The following STK32A variants were observed in gnomAD, a reference collection of about 807,000 sequenced individuals.
STK32A encodes the protein serine/threonine kinase 32A.
Under a neutral mutation model 53.2 loss-of-function variants are expected in STK32A, and 41 were observed. The observed-to-expected ratio is 0.77, with a 90% confidence interval of 0.60 to 1.00. STK32A has a LOEUF of 1.00. Among genes scored for constraint, STK32A ranks in the 50% least tolerant of loss-of-function variants. The probability of loss-of-function intolerance (pLI) is 0.00; values close to 1 mark genes in which losing one functional copy is unlikely to be tolerated. For missense variants in STK32A, 458 were observed against 485.8 expected (o/e 0.94, Z 0.54); for synonymous variants, 166 against 162.8 (o/e 1.02, Z -0.15).
chr5:147,241,428 G>C (rs1580974035), intron 2 of STK32A, among the ~76,000 whole-genome samples: 1 of 152,252 alleles, frequency 6.6e-6, no homozygotes, highest in South Asian at 2.1e-4. Flanking sequence ...GCAGTGAGCC[G>C]AGAACCGGCC....
At chr5:147,258,596 G>A (rs1754344968) in intron 2 of STK32A, among the ~76,000 whole-genome samples, 1 of 151,680 alleles carries the variant, frequency 6.6e-6, no homozygotes, top group Non-Finnish European at 1.5e-5. Flanking sequence ...CTGACTTGTT[G>A]TAAACATCCC....
chr5:147,317,123 T>C (rs1050285563), intron 4 of STK32A, among the ~76,000 whole-genome samples: 1 of 134,928 alleles, frequency 7.4e-6, no homozygotes, highest in Non-Finnish European at 1.6e-5. Flanking sequence ...TGCATACCAC[T>C]ATCTGTGAAA....
chr5:147,392,260 C>T (rs1757831386), downstream of STK32A: 1 of 152,230 alleles, frequency 6.6e-6, no homozygotes, highest in Non-Finnish European at 1.5e-5. Context: ...AAATAGCAAG[C>T]TTCCCTATTC....
chr5:147,369,998 T>C (rs1756937129), intron 8 of STK32A, among the ~76,000 whole-genome samples: 2 of 152,266 alleles, frequency 1.3e-5, no homozygotes, highest in African/African-American at 4.8e-5. Flanking sequence ...TTTTCTTTTG[T>C]TTAATTTCTT....
intron 2 of STK32A, among the ~76,000 whole-genome samples, chr5:147,259,970 CCTCT>C (rs1030569688): frequency 1.4e-5 from 2 of 143,592 alleles, no homozygotes. Flanking sequence ...CTCTCTCTCT[CCTCT>C]CTGTGTCTCT....
intron 5 of STK32A, among the ~76,000 whole-genome samples, chr5:147,334,072 A>G (rs535770680): frequency 4.6e-5 from 7 of 152,296 alleles, no homozygotes; most frequent in Admixed American, 6.5e-5. Flanking sequence ...GATTTTCCAG[A>G]TAATTGTGAA....
chr5:147,375,000 A>T (rs761579097), intron 10 of STK32A, 90 bp from the exon 11 acceptor site: 27 of 1,241,220 alleles, frequency 2.2e-5, no homozygotes, highest in Non-Finnish European at 3.0e-5. Flanking sequence ...CTGCTCCGTT[A>T]AGACTAAGTA....
chr5:147,308,496 C>T lies in STK32A; in HGVS notation c.261-15402C>T, dbSNP rs79748593. The stretch of plus-strand genomic sequence containing the variant: ...CATTCATGTGATTTACTAATAGTGG[C>T]AGGTTCATTTCTTCCCTTTCAATCT... On this transcript the variant is annotated intron_variant, in intron 4 of 12. Coordinates refer to ENST00000397936, the MANE Select transcript of STK32A (RefSeq NM_001112724.2). Among the ~76,000 whole-genome samples the T allele has an allele frequency of 8.5e-5, 13 of 152,268 alleles. No homozygotes were observed. The East Asian group carries it at 2.5e-3, about 29-fold the overall frequency.
intron 10 of STK32A, among the ~76,000 whole-genome samples, chr5:147,374,225 C>T (rs1358924986): frequency 7.0e-6 from 1 of 143,218 alleles, no homozygotes; most frequent in African/African-American, 2.7e-5. Flanking sequence ...GAGTTTGAGG[C>T]TGCATGAGCA....
At chr5:147,393,949 C>A in the STK32A span, 1 of 1,364,826 alleles carries the variant, frequency 7.3e-7, no homozygotes, top group Non-Finnish European at 1.0e-6. Context: ...CGTTTGGATT[C>A]GCTTTCCTTC....
At chr5:147,245,132 A>G (rs1753725165) in intron 2 of STK32A, among the ~76,000 whole-genome samples, 1 of 152,202 alleles carries the variant, frequency 6.6e-6, no homozygotes, top group Non-Finnish European at 1.5e-5. Context: ...ATCTCATCTG[A>G]TATCTTTTTT....
intron 7 of STK32A, among the ~76,000 whole-genome samples, chr5:147,360,222 G>C (rs538102595): frequency 6.6e-6 from 1 of 152,126 alleles, no homozygotes; most frequent in South Asian, 2.1e-4. Flanking sequence ...GGCCAAAGCA[G>C]GTGGATCACC....
intron 2 of STK32A, among the ~76,000 whole-genome samples, chr5:147,250,868 G>A (rs1475985978): frequency 2.0e-5 from 3 of 151,006 alleles, no homozygotes; most frequent in African/African-American, 4.9e-5. Context: ...CGTGAACCCG[G>A]GAGGTGGAGC....
chr5:147,282,875 T>TAGAC (rs1377758176), intron 4 of STK32A, among the ~76,000 whole-genome samples: 1 of 152,138 alleles, frequency 6.6e-6, no homozygotes, highest in Non-Finnish European at 1.5e-5. Context: ...CTGACAGCAC[T>TAGAC]AGACAGGTCA....
rs77847261 is a variant in STK32A at position 147,344,927 on chromosome 5, T to C, written c.472+1884T>C. Reference sequence around the variant, plus strand: ...GGTCTCATCCATGGCTTCACCCTACTTCTATCATTAAGGCATCCTATTCTC... The same window carrying C: ...GGTCTCATCCATGGCTTCACCCTACCTCTATCATTAAGGCATCCTATTCTC... On this transcript the variant is annotated intron_variant, in intron 6 of 12. Coordinates refer to ENST00000397936, the MANE Select transcript of STK32A (RefSeq NM_001112724.2). Among the ~76,000 whole-genome samples, 11 of 152,336 alleles carry C rather than the reference T, an allele frequency of 7.2e-5. No individual in the cohort carries two copies. The East Asian group carries it at 2.1e-3, about 29-fold the overall frequency.
intron 2 of STK32A, among the ~76,000 whole-genome samples, chr5:147,249,487 T>A (rs369042230): frequency 7.2e-5 from 11 of 152,296 alleles, no homozygotes; most frequent in African/African-American, 2.6e-4. Flanking sequence ...TCCCTTTTCT[T>A]CCCTAGTTTT....
intron 7 of STK32A, among the ~76,000 whole-genome samples, chr5:147,359,992 A>G (rs1756421752): frequency 6.6e-6 from 1 of 152,186 alleles, no homozygotes; most frequent in African/African-American, 2.4e-5. Flanking sequence ...AGCACTTTAT[A>G]CAGGAGGCTT....
At chr5:147,344,520 A>G (rs1755590939) in intron 6 of STK32A, among the ~76,000 whole-genome samples, 1 of 152,190 alleles carries the variant, frequency 6.6e-6, no homozygotes, top group Non-Finnish European at 1.5e-5. Context: ...CACCTGTAGT[A>G]TCAGCTACTT....
rs938505851 is a variant in STK32A at position 147,383,809 on chromosome 5, C to T, written c.1098-81C>T. ...TCATGCTTATTTATAAATTATTGGG[C>T]TTAATATTATTTCAAAAGCTTAAAC... On this transcript the variant is annotated intron_variant, in intron 12 of 12. Transcript: ENST00000397936. 29 of 1,235,594 alleles carry T rather than the reference C, an allele frequency of 2.3e-5. No individual in the cohort carries two copies. In the East Asian group the frequency reaches 6.4e-4, roughly 27 times the overall value. The allele number at this position is 1,235,594 out of a possible 1,614,324, so 76.5% of individuals were successfully genotyped here. A position where few individuals can be genotyped will look rare whatever the true frequency, so the allele number is the denominator to read the frequency against.
Sources: allele counts gnomAD v4.1 joint callset (sites outside exome capture counted in the v4.1 genomes callset), GRCh38; gene constraint gnomAD v4.1.1; transcripts MANE v1.5; gene names NCBI Gene and HGNC (gene_info 2026-07-23, HGNC 2026-07-21).